The following DISC1 variants were observed in gnomAD, a reference collection of about 807,000 sequenced individuals.
DISC1 encodes DISC1 scaffold protein, also known as disrupted in schizophrenia 1 protein.
Under a neutral mutation model 84.5 loss-of-function variants are expected in DISC1, and 57 were observed. The observed-to-expected ratio is 0.67, with a 90% CI of 0.55 to 0.84. The LOEUF is 0.84. Among genes scored for constraint, DISC1 ranks in the 40% least tolerant of loss-of-function variants. The pLI, the probability that DISC1 is intolerant of heterozygous loss-of-function variation, is 0.00. For missense variants in DISC1, 1,000 were observed against 1,057.8 expected (o/e 0.95, Z 0.76); for synonymous variants, 411 against 415.2 (o/e 0.99, Z 0.12).
intron 3 of DISC1, among the ~76,000 whole-genome samples, chr1:231,713,703 GAT>G (rs141599033): frequency 0.11 from 14,680 of 129,430 alleles, 1,456 homozygotes; most frequent in African/African-American, 0.28. Flanking sequence ...ATATATAGGA[GAT>G]ATATATATAT....
chr1:231,750,417 A>G, intron 4 of DISC1: 1 of 1,070,328 alleles, frequency 9.3e-7, no homozygotes, highest in Non-Finnish European at 1.1e-6. Context: ...CTGTGATCAT[A>G]TTAAGCCTGT....
At chr1:231,672,654 C>G (rs2062739113) in intron 1 of DISC1, among the ~76,000 whole-genome samples, 1 of 152,192 alleles carries the variant, frequency 6.6e-6, no homozygotes, top group South Asian at 2.1e-4. Flanking sequence ...TTGTGACCCC[C>G]TTGGGCTTAC....
chr1:231,756,516 CGAGA>C (rs60818301), intron 4 of DISC1, among the ~76,000 whole-genome samples: 16,512 of 133,056 alleles, frequency 0.12, 1,092 homozygotes, highest in South Asian at 0.15. Context: ...ATGTGAATAT[CGAGA>C]GAGAGAGAGA....
chr1:231,796,834 C>T (rs1279751983), intron 7 of DISC1, among the ~76,000 whole-genome samples: 3 of 152,068 alleles, frequency 2.0e-5, no homozygotes, highest in African/African-American at 7.2e-5. Context: ...CCTGCCTCAG[C>T]CTCCCAAGTA....
At chr1:231,702,213 A>G in intron 3 of DISC1, 189 bp downstream of exon 3, 1 of 1,339,630 alleles carries the variant, frequency 7.5e-7, no homozygotes, top group Non-Finnish European at 9.5e-7. Flanking sequence ...CATGAACATT[A>G]ATCCTTTGGG....
chr1:231,659,089 A>G (rs992046789), intron 1 of DISC1, among the ~76,000 whole-genome samples: 2 of 152,128 alleles, frequency 1.3e-5, no homozygotes, highest in African/African-American at 2.4e-5. Context: ...GGTAGAATTC[A>G]GCTGTGAATC....
intron 1 of DISC1, among the ~76,000 whole-genome samples, chr1:231,691,345 C>T (rs1271983921): frequency 6.6e-6 from 1 of 151,852 alleles, no homozygotes; most frequent in Non-Finnish European, 1.5e-5. Context: ...GCAGGAGAAT[C>T]ACTTGAACCT....
chr1:231,876,842 T>A (rs1401698710), intron 9 of DISC1, among the ~76,000 whole-genome samples: 1 of 152,200 alleles, frequency 6.6e-6, no homozygotes, highest in African/African-American at 2.4e-5. Flanking sequence ...TGGATTTACT[T>A]TGTCCCTCCC....
Position 231,933,054 on chromosome 1 carries a change from T to TGATGAC in DISC1, c.1982-25773_1982-25768dup, listed in dbSNP as rs2090767098. On this transcript the variant is annotated intron_variant, in intron 9 of 12. Transcript: ENST00000439617. ...ATAGTGATGGTGTTGAGGATAAAAA[T>TGATGAC]GATGACAATGACAACAGCAGCGATG... Among the ~76,000 whole-genome samples, 4 of 152,278 alleles carry TGATGAC rather than the reference T, an allele frequency of 2.6e-5. No individual in the cohort carries two copies. The South Asian group carries it at 6.2e-4, about 24-fold the overall frequency.
At chr1:231,868,918 T>C (rs1453752470) in intron 9 of DISC1, among the ~76,000 whole-genome samples, 2 of 147,516 alleles carry the variant, frequency 1.4e-5, no homozygotes, top group Non-Finnish European at 3.0e-5. Flanking sequence ...GAGTTACCGG[T>C]TATACATTTT....
intron 10 of DISC1, among the ~76,000 whole-genome samples, chr1:231,968,563 G>A (rs1360577611): frequency 2.8e-5 from 4 of 143,250 alleles, no homozygotes; most frequent in Non-Finnish European, 1.5e-5. Context: ...CTGCACTCCA[G>A]CCTGGGCGAC....
chr1:231,809,648 T>C (rs768848868), intron 8 of DISC1, among the ~76,000 whole-genome samples: 1 of 152,054 alleles, frequency 6.6e-6, no homozygotes, highest in African/African-American at 2.4e-5. Flanking sequence ...GGAAATCTTC[T>C]CTCCTAACTG....
At chr1:231,983,893 G>A (rs573363781) in intron 10 of DISC1, among the ~76,000 whole-genome samples, 1 of 152,304 alleles carries the variant, frequency 6.6e-6, no homozygotes, top group Admixed American at 6.5e-5. Flanking sequence ...GATGCTGGTT[G>A]TGGTTAGTGC....
At chr1:231,880,667 AAG>A (rs1363922122) in intron 9 of DISC1, among the ~76,000 whole-genome samples, 1 of 152,070 alleles carries the variant, frequency 6.6e-6, no homozygotes. Flanking sequence ...AGTGGGCACC[AAG>A]TAGAGAGGGG....
intron 7 of DISC1, among the ~76,000 whole-genome samples, chr1:231,795,759 G>T (rs979917815): frequency 3.3e-5 from 5 of 152,128 alleles, no homozygotes; most frequent in Middle Eastern, 3.4e-3. Context: ...TGTGGTGGAG[G>T]GTGCCTGTAA....
chr1:231,934,193 G>A (rs889875160), intron 9 of DISC1, among the ~76,000 whole-genome samples: 27 of 152,294 alleles, frequency 1.8e-4, no homozygotes, highest in African/African-American at 6.0e-4. Context: ...TCCCAGCAGC[G>A]TTAGACACAC....
intron 9 of DISC1, among the ~76,000 whole-genome samples, chr1:231,870,917 A>G (rs775087027): frequency 6.6e-6 from 1 of 152,234 alleles, no homozygotes; most frequent in African/African-American, 2.4e-5. Flanking sequence ...TCAAACGATC[A>G]TGACTTTAAT....
At chr1:231,933,529 C>A (rs1053930570) in intron 9 of DISC1, among the ~76,000 whole-genome samples, 1 of 152,158 alleles carries the variant, frequency 6.6e-6, no homozygotes, top group African/African-American at 2.4e-5. Context: ...CCTCCACATG[C>A]CTGGTGTGGT....
At chr1:231,752,518 C>A (rs559511552) in intron 4 of DISC1, among the ~76,000 whole-genome samples, 4 of 152,332 alleles carry the variant, frequency 2.6e-5, no homozygotes, top group East Asian at 3.9e-4. Context: ...ATGCAGTCAT[C>A]TTCCACCAGG....
Sources: allele counts gnomAD v4.1 joint callset (sites outside exome capture counted in the v4.1 genomes callset), GRCh38; gene constraint gnomAD v4.1.1; transcripts MANE v1.5; gene names NCBI Gene and HGNC (gene_info 2026-07-23, HGNC 2026-07-21).